The following GPC6 variants were observed in gnomAD, a reference collection of about 807,000 sequenced individuals.
GPC6 encodes glypican-6.
In GPC6, 14 loss-of-function variants were observed where a neutral mutation model predicts 55.2. That is an observed-to-expected ratio of 0.25 (90% confidence interval 0.17 to 0.40). GPC6 has a LOEUF of 0.40. Among genes scored for constraint, GPC6 ranks in the 10% least tolerant of loss-of-function variants. The probability of loss-of-function intolerance (pLI) is 1.00; values close to 1 mark genes in which losing one functional copy is unlikely to be tolerated. For missense variants in GPC6, 641 were observed against 708.5 expected, an observed-to-expected ratio of 0.90 and a Z score of 1.08; for synonymous variants, 278 against 259.6, an observed-to-expected ratio of 1.07 and a Z score of -0.68.
intron 2 of GPC6, among the ~76,000 whole-genome samples, chr13:93,816,444 C>T (rs753706742): frequency 1.3e-5 from 2 of 151,720 alleles, no homozygotes; most frequent in Non-Finnish European, 2.9e-5. Context: ...GTGAAGAGAC[C>T]CAAATTCTAT....
At chr13:93,289,100 A>T (rs1299319797) in intron 1 of GPC6, among the ~76,000 whole-genome samples, 1 of 152,156 alleles carries the variant, frequency 6.6e-6, no homozygotes, top group Non-Finnish European at 1.5e-5. Flanking sequence ...ACAGATAGGG[A>T]TGTTATACTG....
intron 2 of GPC6, among the ~76,000 whole-genome samples, chr13:93,674,554 T>A (rs1411100103): frequency 6.6e-6 from 1 of 152,200 alleles, no homozygotes; most frequent in Non-Finnish European, 1.5e-5. Context: ...TTGGGTGAAA[T>A]ACATTTGAAA....
chr13:93,873,412 C>T (rs116418244), intron 3 of GPC6, among the ~76,000 whole-genome samples: 3 of 152,002 alleles, frequency 2.0e-5, no homozygotes, highest in African/African-American at 7.2e-5. Context: ...TCTGTCCTGA[C>T]TTTGGTATTC....
At chr13:93,415,405 T>C (rs1594153700) in intron 1 of GPC6, among the ~76,000 whole-genome samples, 1 of 152,116 alleles carries the variant, frequency 6.6e-6, no homozygotes, top group South Asian at 2.1e-4. Context: ...ATACTAATGA[T>C]TGCATAGCAT....
intron 1 of GPC6, among the ~76,000 whole-genome samples, chr13:93,250,973 G>A (rs1876767359): frequency 6.6e-6 from 1 of 152,172 alleles, no homozygotes; most frequent in Non-Finnish European, 1.5e-5. Context: ...CATGGCAGCA[G>A]TCAAGAGAAG....
chr13:93,507,689 G>A (rs12869636), intron 1 of GPC6, among the ~76,000 whole-genome samples: 56,876 of 151,914 alleles, frequency 0.37, 13,142 homozygotes, highest in Middle Eastern at 0.57. Flanking sequence ...AGTCAGTAGG[G>A]TATAAAAAAT....
intron 3 of GPC6, among the ~76,000 whole-genome samples, chr13:93,904,465 G>T (rs182554564): frequency 5.9e-5 from 9 of 152,228 alleles, no homozygotes; most frequent in South Asian, 2.1e-4. Flanking sequence ...AGCCTGTTAT[G>T]ATCTGTCAGA....
intron 1 of GPC6, among the ~76,000 whole-genome samples, chr13:93,314,367 T>G (rs1879171148): frequency 6.6e-6 from 1 of 152,084 alleles, no homozygotes; most frequent in African/African-American, 2.4e-5. Context: ...CCTCTTACAG[T>G]GAAAGACGTT....
chr13:93,471,264 C>T (rs1879100697), intron 1 of GPC6, among the ~76,000 whole-genome samples: 1 of 150,770 alleles, frequency 6.6e-6, no homozygotes, highest in African/African-American at 2.4e-5. Context: ...CCTGTAATCC[C>T]AGCACTTTGG....
chr13:93,763,570 T>A (rs1184821614), intron 2 of GPC6, among the ~76,000 whole-genome samples: 1 of 152,240 alleles, frequency 6.6e-6, no homozygotes, highest in Non-Finnish European at 1.5e-5. Context: ...GTAATCTATG[T>A]GATACAAGTT....
At chr13:94,116,507 C>A (rs528874649) in intron 4 of GPC6, among the ~76,000 whole-genome samples, 17 of 152,066 alleles carry the variant, frequency 1.1e-4, no homozygotes, top group Non-Finnish European at 1.9e-4. Context: ...GGTGGGCAGG[C>A]TTTTATGGTT....
intron 1 of GPC6, among the ~76,000 whole-genome samples, chr13:93,432,065 C>T (rs1877381958): frequency 6.6e-6 from 1 of 152,114 alleles, no homozygotes; most frequent in African/African-American, 2.4e-5. Flanking sequence ...CTATCAATTG[C>T]AGCATCCTTT....
At chr13:93,524,249 C>T (rs1034940140) in intron 1 of GPC6, among the ~76,000 whole-genome samples, 2 of 152,012 alleles carry the variant, frequency 1.3e-5, no homozygotes, top group Non-Finnish European at 2.9e-5. Context: ...AGAATCACCA[C>T]TCACCTCCTT....
At chr13:93,882,532 C>G (rs1875058254) in intron 3 of GPC6, among the ~76,000 whole-genome samples, 1 of 151,970 alleles carries the variant, frequency 6.6e-6, no homozygotes, top group Admixed American at 6.6e-5. Flanking sequence ...ATGTTAGACT[C>G]TGTTCTAGTC....
intron 4 of GPC6, among the ~76,000 whole-genome samples, chr13:94,037,533 C>A (rs1014187335): frequency 2.6e-5 from 4 of 151,908 alleles, no homozygotes; most frequent in African/African-American, 9.7e-5. Context: ...TGAGCACTTA[C>A]TTTATACCAG....
chr13:94,086,973 T>C (rs1323673697), intron 4 of GPC6, among the ~76,000 whole-genome samples: 1 of 152,204 alleles, frequency 6.6e-6, no homozygotes, highest in African/African-American at 2.4e-5. Context: ...CTTTAGTTTT[T>C]TCAGGAAGCT....
rs115168917 is a variant in GPC6 at position 94,029,272 on chromosome 13, C to T, written c.877+1378C>T. ...GAAAAAATAAATTGAAGTGCCGTTACCTCTCCCCACAGTGGGAGGACAAAA... is the reference window on the plus strand; with the variant it reads ...GAAAAAATAAATTGAAGTGCCGTTATCTCTCCCCACAGTGGGAGGACAAAA... On this transcript the variant is annotated intron_variant, in intron 4 of 8. Transcript: ENST00000377047. Among the ~76,000 whole-genome samples, 1,124 of 152,256 alleles carry T rather than the reference C, an allele frequency of 7.4e-3. 12 individuals are homozygous for T. The highest frequency in any genetic ancestry group is 0.026 in the African/African-American group (1,078 of 41,540).
intron 1 of GPC6, among the ~76,000 whole-genome samples, chr13:93,291,184 T>C (rs1247501237): frequency 6.6e-6 from 1 of 152,138 alleles, no homozygotes; most frequent in African/African-American, 2.4e-5. Flanking sequence ...TTATAGTTAA[T>C]AGTTTGATAA....
rs539517425 is a variant in GPC6, at chr13:93,928,526, T to C, written c.711+97981T>C. Among the ~76,000 whole-genome samples the C allele has an allele frequency of 7.2e-5, 11 of 152,104 alleles. No individual in the cohort carries two copies. The East Asian group carries it at 1.9e-3, about 27-fold the overall frequency. ...TTCATGAGCTTATAAGACAATGGGG[T>C]TTAAACACTCTTAGCCACAGAAGTA... On this transcript the variant is annotated intron_variant, in intron 3 of 8. Coordinates refer to ENST00000377047, the MANE Select transcript of GPC6 (RefSeq NM_005708.5).
Sources: allele counts gnomAD v4.1 joint callset (sites outside exome capture counted in the v4.1 genomes callset), GRCh38; gene constraint gnomAD v4.1.1; transcripts MANE v1.5; gene names NCBI Gene and HGNC (gene_info 2026-07-23, HGNC 2026-07-21).